The following HEMK2 variants were observed in gnomAD, a reference collection of about 807,000 sequenced individuals.
HEMK2 encodes methyltransferase HEMK2.
the HEMK2 span, chr21:28,670,958 C>T: frequency 6.6e-6 from 1 of 152,186 alleles, no homozygotes; most frequent in East Asian, 1.9e-4. Context: ...ATGGGGATTA[C>T]AATTTGAGAT....
At chr21:28,879,146 G>A in the HEMK2 span, among the ~76,000 whole-genome samples, 1 of 135,544 alleles carries the variant, frequency 7.4e-6, no homozygotes, top group Admixed American at 8.2e-5. Flanking sequence ...GTACAGTGGT[G>A]TAATCATGGC....
the HEMK2 span, among the ~76,000 whole-genome samples, chr21:28,857,399 A>C: frequency 6.6e-6 from 1 of 152,138 alleles, no homozygotes; most frequent in African/African-American, 2.4e-5. Flanking sequence ...AAAGGATGTA[A>C]GTTTTAATGT....
chr21:28,819,215 G>A, the HEMK2 span, among the ~76,000 whole-genome samples: 1 of 149,930 alleles, frequency 6.7e-6, no homozygotes, highest in Admixed American at 6.7e-5. Context: ...ATGACGTAAG[G>A]ATACATAAAG....
chr21:28,796,285 G>C, the HEMK2 span, among the ~76,000 whole-genome samples: 5 of 151,606 alleles, frequency 3.3e-5, no homozygotes, highest in Non-Finnish European at 7.4e-5. Flanking sequence ...ATTTATAGGT[G>C]CCTGCCACTA....
the HEMK2 span, among the ~76,000 whole-genome samples, chr21:28,672,596 C>A: frequency 2.0e-5 from 3 of 152,048 alleles, no homozygotes; most frequent in Admixed American, 2.0e-4. Flanking sequence ...AGGAGGTGGT[C>A]TTTCTCCTCT....
the HEMK2 span, among the ~76,000 whole-genome samples, chr21:28,642,111 G>C: frequency 2.0e-5 from 3 of 152,180 alleles, no homozygotes; most frequent in African/African-American, 7.2e-5. Flanking sequence ...TGACATATTA[G>C]TAAATAGGCA....
At chr21:28,882,224 G>T in the HEMK2 span, 1 of 1,610,178 alleles carries the variant, frequency 6.2e-7, no homozygotes, top group East Asian at 2.2e-5. Context: ...GGTACAAGCT[G>T]CTGCCTCAGG....
At chr21:28,652,212 T>C in the HEMK2 span, among the ~76,000 whole-genome samples, 1 of 152,184 alleles carries the variant, frequency 6.6e-6, no homozygotes, top group Non-Finnish European at 1.5e-5. Flanking sequence ...ACAATATTTC[T>C]TCCCTCTTTC....
At chr21:28,838,490 C>T in the HEMK2 span, among the ~76,000 whole-genome samples, 1 of 151,228 alleles carries the variant, frequency 6.6e-6, no homozygotes, top group African/African-American at 2.4e-5. Flanking sequence ...GCTGAAATAG[C>T]GCCACTGCAC....
At chr21:28,637,273 A>G in the HEMK2 span, among the ~76,000 whole-genome samples, 2 of 152,012 alleles carry the variant, frequency 1.3e-5, no homozygotes, top group Non-Finnish European at 2.9e-5. Flanking sequence ...AGATATGTTA[A>G]TTTTTCTTGT....
the HEMK2 span, among the ~76,000 whole-genome samples, chr21:28,742,926 C>G: frequency 6.6e-6 from 1 of 151,980 alleles, no homozygotes; most frequent in Admixed American, 6.5e-5. Flanking sequence ...CTCCTATGAA[C>G]CATTTTTAAG....
At chr21:28,811,033 C>A in the HEMK2 span, among the ~76,000 whole-genome samples, 1 of 152,186 alleles carries the variant, frequency 6.6e-6, no homozygotes, top group Admixed American at 6.5e-5. Context: ...GCAATACACA[C>A]TGAACAGTGT....
At chr21:28,714,376 T>C in the HEMK2 span, among the ~76,000 whole-genome samples, 1 of 152,256 alleles carries the variant, frequency 6.6e-6, no homozygotes, top group Admixed American at 6.5e-5. Context: ...CATTGAGGCC[T>C]ATTAATTTTG....
the HEMK2 span, among the ~76,000 whole-genome samples, chr21:28,778,681 G>T: frequency 6.6e-6 from 1 of 152,176 alleles, no homozygotes; most frequent in East Asian, 1.9e-4. Context: ...GGCTAACAAT[G>T]AATATCTTTT....
chr21:28,805,840 CAT>C, the HEMK2 span, among the ~76,000 whole-genome samples: 8 of 152,268 alleles, frequency 5.3e-5, no homozygotes, highest in African/African-American at 1.9e-4. Flanking sequence ...ATAGGTGCTA[CAT>C]GTTTTAAAAG....
chr21:28,801,778 A>G, the HEMK2 span, among the ~76,000 whole-genome samples: 1 of 152,248 alleles, frequency 6.6e-6, no homozygotes, highest in Non-Finnish European at 1.5e-5. Flanking sequence ...TTAAACAAAT[A>G]GCTATGAAAC....
the HEMK2 span, among the ~76,000 whole-genome samples, chr21:28,689,781 A>C: frequency 2.0e-5 from 3 of 152,192 alleles, no homozygotes; most frequent in Non-Finnish European, 4.4e-5. Context: ...AGCCCTTCAA[A>C]GCAGCAGAGG....
At chr21:28,821,703 GC>G in the HEMK2 span, among the ~76,000 whole-genome samples, 25 of 152,108 alleles carry the variant, frequency 1.6e-4, no homozygotes, top group Admixed American at 1.6e-3. Context: ...AATTTCCAGT[GC>G]CCCTCCCCCA....
At chr21:28,794,047 A>G in the HEMK2 span, among the ~76,000 whole-genome samples, 1 of 152,200 alleles carries the variant, frequency 6.6e-6, no homozygotes, top group Non-Finnish European at 1.5e-5. Flanking sequence ...GTTACAGCAG[A>G]CTTAAGAAAG....
Sources: gnomAD v4.1 joint callset for allele counts (sites outside exome capture counted in the v4.1 genomes callset) on GRCh38, gnomAD v4.1.1 for gene constraint, MANE v1.5 for transcripts, NCBI Gene and HGNC (gene_info 2026-07-23, HGNC 2026-07-21) for gene names.